DOCK6: variants seen among roughly 807,000 people sequenced by gnomAD.
DOCK6 encodes dedicator of cytokinesis protein 6.
In DOCK6, 167 loss-of-function variants were observed where a neutral mutation model predicts 230.3. That is an observed-to-expected ratio of 0.73 (90% CI 0.64 to 0.82). The LOEUF is 0.82. Among genes scored for constraint, DOCK6 ranks in the 40% least tolerant of loss-of-function variants. The pLI, the probability that DOCK6 is intolerant of heterozygous loss-of-function variation, is 0.00. For missense variants in DOCK6, 2,598 were observed against 2,825.8 expected (o/e 0.92, Z 1.83); for synonymous variants, 1,148 against 1,185.0 (o/e 0.97, Z 0.64).
At chr19:11,244,369 C>T (rs2079999531) in intron 9 of DOCK6, among the ~76,000 whole-genome samples, 1 of 150,786 alleles carries the variant, frequency 6.6e-6, no homozygotes, top group Non-Finnish European at 1.5e-5. Flanking sequence ...CTCACTGCAA[C>T]CTCTGCCTCC....
Position 11,236,666 on chromosome 19 carries a change from C to T in DOCK6, c.2161-89G>A. The T allele has an allele frequency of 6.6e-7, 1 of 1,506,358 alleles. No individual in the cohort carries two copies. Among genetic ancestry groups the T allele is most frequent in the Non-Finnish European group, 9.0e-7 (1 of 1,109,250 alleles). 93.3% of individuals were successfully genotyped at this position (1,506,358 alleles called of 1,614,324 possible). Reference sequence around the variant, plus strand: ...TCAGCAGCTTCCCTTAAAGCTGGGTCCAGCTGACCAAAGTCACGTCCAAGG... The same window carrying T: ...TCAGCAGCTTCCCTTAAAGCTGGGTTCAGCTGACCAAAGTCACGTCCAAGG... On this transcript the variant is annotated intron_variant, in intron 19 of 47. Coordinates refer to ENST00000294618, the MANE Select transcript of DOCK6 (RefSeq NM_020812.4). The surrounding 1 kb of genome is among the most constrained non-coding windows in gnomAD (Gnocchi z 5.2).
Position 11,221,780 on chromosome 19 carries a change from C to T in DOCK6, c.3550+71G>A, listed in dbSNP as rs17001243. ...CATACCAGTGACTGTGTTCTCCCAC[C>T]TTTACTATCCTGTGCCTTCTGTGAC... is the stretch of plus-strand genomic sequence containing the variant. On this transcript the variant is annotated intron_variant, in intron 28 of 47. Coordinates refer to ENST00000294618, the MANE Select transcript of DOCK6 (RefSeq NM_020812.4). 7.7e-3 allele frequency: 12,407 copies of T among 1,608,794 alleles called. 792 individuals carry two copies. The African/African-American group carries it at 0.14, about 18-fold the overall frequency.
rs1016002621 is a variant in DOCK6, at chr19:11,237,776, G to A, written c.1836C>T (p.Ser612=). ...AFTPVVYHNK[S]PEFYEEFKLH... ...GCTTGAACTCCTCGTAGAACTCGGG[G>A]GACCTGGCAGAATCGGGCTGGGGGA... Residue 612 remains serine, a synonymous_variant, in exon 17 of 48, where the codon TCC becomes TCT. Transcript: ENST00000294618. 1.3e-6 allele frequency: 2 copies of A among 1,565,690 alleles called. No individual in the cohort carries two copies. Among genetic ancestry groups the A allele is most frequent in the South Asian group, 1.2e-5 (1 of 84,792 alleles).
Position 11,202,389 on chromosome 19 carries a change from C to A in DOCK6, c.5451+5G>T. The A allele has an allele frequency of 6.2e-7, 1 of 1,613,296 alleles. No homozygotes were observed. Among genetic ancestry groups the A allele is most frequent in the Non-Finnish European group, 8.5e-7 (1 of 1,179,610 alleles). On this transcript the variant is annotated splice_donor_5th_base_variant and intron_variant, in intron 43 of 47. Coordinates refer to ENST00000294618, the MANE Select transcript of DOCK6 (RefSeq NM_020812.4). The surrounding 1 kb of genome is among the most constrained non-coding windows in gnomAD (Gnocchi z 5.3). ...AGATTTTGGGGAAATGGTTGGGGGA[C>A]CCACCTTTTGTGAGTCAAGCTTGGA...
Position 11,222,952 on chromosome 19 carries a change from T to C in DOCK6, c.3069+41A>G. The C allele has an allele frequency of 6.2e-7, 1 of 1,613,480 alleles. No individual in the cohort carries two copies. The highest frequency in any genetic ancestry group is 8.5e-7 in the Non-Finnish European group (1 of 1,179,718). The stretch of plus-strand genomic sequence containing the variant: ...CAGTGATGTCAACATTGCTCCGCCT[T>C]CCATCCATGCCATGCCCACCCTGCC... On this transcript the variant is annotated intron_variant, in intron 25 of 47. Coordinates refer to ENST00000294618, the MANE Select transcript of DOCK6 (RefSeq NM_020812.4). The surrounding 1 kb of genome is among the most constrained non-coding windows in gnomAD (Gnocchi z 4.0).
chr19:11,199,459 T>A lies in DOCK6; in HGVS notation c.*38A>T. 6.4e-7 allele frequency: 1 copy of A among 1,561,564 alleles called. No homozygotes were observed. Among genetic ancestry groups the A allele is most frequent in the Non-Finnish European group, 8.7e-7 (1 of 1,152,580 alleles). The stretch of plus-strand genomic sequence containing the variant: ...GCAGCACAGACAGCTGAGGCCCGGG[T>A]GCTGGTTCCTCTAGGTACAGCTTTG... On this transcript the variant is annotated 3_prime_UTR_variant, in exon 48 of 48. Coordinates refer to ENST00000294618, the MANE Select transcript of DOCK6 (RefSeq NM_020812.4).
chr19:11,225,722 A>G (rs540538901), intron 24 of DOCK6, among the ~76,000 whole-genome samples: 8 of 150,690 alleles, frequency 5.3e-5, no homozygotes, highest in Non-Finnish European at 1.0e-4. Flanking sequence ...ACAAAAACAA[A>G]ACCACACACA....
chr19:11,227,680 T>C (rs2079691343), intron 23 of DOCK6, among the ~76,000 whole-genome samples: 1 of 151,018 alleles, frequency 6.6e-6, no homozygotes. Flanking sequence ...GTTTGAGCCC[T>C]GTAGCTGCAG....
At chr19:11,257,641 T>C (rs1599296795) in intron 1 of DOCK6, among the ~76,000 whole-genome samples, 1 of 151,184 alleles carries the variant, frequency 6.6e-6, no homozygotes, top group African/African-American at 2.4e-5. Flanking sequence ...ATACAAAAAT[T>C]AGCCAGGCAT....
chr19:11,223,972 T>A (rs557898484), intron 24 of DOCK6, among the ~76,000 whole-genome samples: 28 of 152,166 alleles, frequency 1.8e-4, no homozygotes, highest in African/African-American at 6.5e-4. Flanking sequence ...ATGTGAGCTT[T>A]ACTGAGCATC....
intron 1 of DOCK6, among the ~76,000 whole-genome samples, chr19:11,261,614 G>T (rs889933702): frequency 2.6e-5 from 4 of 152,150 alleles, no homozygotes. Flanking sequence ...TTCAGCCCCA[G>T]AGAGTCTGAT....
At chr19:11,241,622 G>T in intron 14 of DOCK6, 2 of 1,563,560 alleles carry the variant, frequency 1.3e-6, no homozygotes, top group Non-Finnish European at 1.7e-6. Context: ...CTGGAAAGGG[G>T]CCCCCTCACC....
chr19:11,253,543 A>G (rs2080153769), intron 2 of DOCK6, 96 bp downstream of exon 2: 1 of 801,976 alleles, frequency 1.2e-6, no homozygotes, highest in African/African-American at 1.8e-5. Flanking sequence ...GACAGGCCAC[A>G]GGAGGGAGGG....
chr19:11,239,601 A>G (rs1310329705), intron 14 of DOCK6: 5 of 1,608,908 alleles, frequency 3.1e-6, no homozygotes, highest in African/African-American at 1.3e-5. Context: ...AAAAGGCTTC[A>G]GTGACAGTGC....
rs370576494 is a variant in DOCK6, at chr19:11,200,460, A to G, written c.5949T>C (p.Asp1983=). Residue 1983 remains aspartate, a synonymous_variant, in exon 47 of 48, where the codon GAT becomes GAC. Coordinates refer to ENST00000294618, the MANE Select transcript of DOCK6 (RefSeq NM_020812.4). This position sits in a 1 kb window ranked among gnomAD's most constrained non-coding sequence, Gnocchi z 4.3. ...TCAGGGCCTTATTTTTCCGCAGCGCATCCTCACATCTGAGGGCCAGAGGGT... is the reference window on the plus strand; with the variant it reads ...TCAGGGCCTTATTTTTCCGCAGCGCGTCCTCACATCTGAGGGCCAGAGGGT... ...CFKDFCKKCE[D]ALRKNKALIG... 1.5e-4 allele frequency: 237 copies of G among 1,610,600 alleles called. 3 individuals carry two copies. The East Asian group carries it at 2.4e-3, about 17-fold the overall frequency.
At chr19:11,205,235 T>C (rs1041682641) in intron 39 of DOCK6, among the ~76,000 whole-genome samples, 1 of 152,162 alleles carries the variant, frequency 6.6e-6, no homozygotes, top group Admixed American at 6.5e-5. Context: ...TTTAATACTT[T>C]GGGGTACATG....
chr19:11,252,327 A>T (rs1345407718), intron 4 of DOCK6, 79 bp from the exon 5 acceptor site: 2 of 1,565,238 alleles, frequency 1.3e-6, no homozygotes, highest in African/African-American at 2.7e-5. Context: ...ACACACCTAC[A>T]TGGCACCTTC....
intron 24 of DOCK6, among the ~76,000 whole-genome samples, chr19:11,225,962 G>T (rs1446296630): frequency 6.6e-6 from 1 of 151,426 alleles, no homozygotes; most frequent in African/African-American, 2.4e-5. Flanking sequence ...AGGATCCCTT[G>T]AGCCCAGGAG....
intron 14 of DOCK6, chr19:11,238,620 C>T: frequency 6.6e-6 from 2 of 302,322 alleles, no homozygotes; most frequent in Non-Finnish European, 1.3e-5. Context: ...AATAGCGAGG[C>T]ACTCAGGGCC....
Sources: gnomAD v4.1 joint callset for allele counts (sites outside exome capture counted in the v4.1 genomes callset) on GRCh38, gnomAD v4.1.1 for gene constraint, Gnocchi (gnomAD v3.1) non-coding constraint, MANE v1.5 for transcripts, NCBI Gene and HGNC (gene_info 2026-07-23, HGNC 2026-07-21) for gene names.